The following GRAMD1C variants were observed in gnomAD, a reference collection of about 807,000 sequenced individuals.
GRAMD1C encodes the protein GRAM domain containing 1C.
In GRAMD1C, 89 loss-of-function variants were observed where a neutral mutation model predicts 97.8. That is an observed-to-expected ratio of 0.91 (90% confidence interval 0.77 to 1.09). The LOEUF (loss-of-function observed/expected upper bound fraction) is 1.09. GRAMD1C is among the 50% of genes least tolerant of loss of function. The probability of loss-of-function intolerance (pLI) is 0.00; values close to 1 mark genes in which losing one functional copy is unlikely to be tolerated. For missense variants in GRAMD1C, 740 were observed against 766.4 expected (o/e 0.97, Z 0.41); for synonymous variants, 256 against 267.0 (o/e 0.96, Z 0.40).
chr3:113,933,270 A>G (rs6438174), intron 11 of GRAMD1C, among the ~76,000 whole-genome samples: 149,145 of 152,256 alleles, frequency 0.98, 73,123 homozygotes, highest in Non-Finnish European at 1. Flanking sequence ...GACCTTAAGC[A>G]ATTCTCCCAC....
chr3:113,888,235 A>G (rs1050893349), intron 6 of GRAMD1C, among the ~76,000 whole-genome samples: 3 of 152,244 alleles, frequency 2.0e-5, no homozygotes, highest in Non-Finnish European at 2.9e-5. Flanking sequence ...AAATATTAGC[A>G]AATCAAATCC....
chr3:113,840,232 C>T (rs1709747992), intron 1 of GRAMD1C, among the ~76,000 whole-genome samples: 1 of 152,136 alleles, frequency 6.6e-6, no homozygotes, highest in African/African-American at 2.4e-5. Context: ...TCCCAAAGTA[C>T]TGGGATAACA....
At chr3:113,839,789 A>T (rs1709730859) in intron 1 of GRAMD1C, among the ~76,000 whole-genome samples, 3 of 152,236 alleles carry the variant, frequency 2.0e-5, no homozygotes, top group Admixed American at 2.0e-4. Flanking sequence ...CTAGAGATAA[A>T]ATTATTTCCT....
chr3:113,933,210 T>C (rs1937506661), intron 11 of GRAMD1C, among the ~76,000 whole-genome samples: 1 of 152,104 alleles, frequency 6.6e-6, no homozygotes, highest in Admixed American at 6.5e-5. Flanking sequence ...AAAAATTTTT[T>C]TTGTAGAGGC....
chr3:113,838,128 A>T (rs765869511), upstream of GRAMD1C, among the ~76,000 whole-genome samples: 1 of 152,184 alleles, frequency 6.6e-6, no homozygotes, highest in Non-Finnish European at 1.5e-5. Flanking sequence ...CTAGATTTTC[A>T]GGTTAAATTT....
chr3:113,855,983 G>A (rs1364904181), intron 2 of GRAMD1C, among the ~76,000 whole-genome samples: 3 of 151,656 alleles, frequency 2.0e-5, no homozygotes, highest in African/African-American at 4.8e-5. Flanking sequence ...CCGCCTCTCC[G>A]TTTCAAGGGA....
chr3:113,833,120 C>CTTTTTTTTTTTTTTTTTTGTTTT (rs200062835), intron 1 of GRAMD1C, among the ~76,000 whole-genome samples: 1 of 129,474 alleles, frequency 7.7e-6, no homozygotes, highest in Non-Finnish European at 1.6e-5. Context: ...TTCTTTCTTT[C>CTTTTTTTTTTTTTTTTTTGTTTT]TTTTTTTTTT....
chr3:113,923,916 T>C (rs899848438), intron 10 of GRAMD1C, among the ~76,000 whole-genome samples: 7 of 152,136 alleles, frequency 4.6e-5, no homozygotes, highest in African/African-American at 1.7e-4. Context: ...CCTGGGCTTT[T>C]TTTGATTGAT....
intron 2 of GRAMD1C, among the ~76,000 whole-genome samples, chr3:113,861,339 T>C (rs111501566): frequency 2.1e-3 from 318 of 152,224 alleles, no homozygotes; most frequent in Middle Eastern, 6.8e-3. Context: ...AATAGATAAA[T>C]TGGACCTCAT....
chr3:113,890,847 G>A, intron 6 of GRAMD1C: 1 of 627,566 alleles, frequency 1.6e-6, no homozygotes, highest in Non-Finnish European at 2.9e-6. Flanking sequence ...GAGAAACTAA[G>A]TTCTTCACTT....
intron 6 of GRAMD1C, among the ~76,000 whole-genome samples, chr3:113,887,197 T>C (rs1368247287): frequency 2.0e-5 from 3 of 149,660 alleles, no homozygotes; most frequent in Non-Finnish European, 4.4e-5. Flanking sequence ...TGCAAGCGAT[T>C]CTCCTGCCTC....
At chr3:113,876,028 A>G (rs372913540) in intron 4 of GRAMD1C, 137 bp from the exon 5 acceptor site, 2 of 596,356 alleles carry the variant, frequency 3.4e-6, no homozygotes, top group East Asian at 2.8e-5. Context: ...TGTACTTATT[A>G]ACTCCTTCAA....
intron 5 of GRAMD1C, 52 bp from the exon 6 acceptor site, chr3:113,882,700 T>A: frequency 9.6e-7 from 1 of 1,042,680 alleles, no homozygotes; most frequent in Non-Finnish European, 1.5e-6. Flanking sequence ...TGACAGATAA[T>A]CTGCTTTTAT....
At chr3:113,862,366 G>A (rs1253145651) in intron 2 of GRAMD1C, among the ~76,000 whole-genome samples, 2 of 152,178 alleles carry the variant, frequency 1.3e-5, no homozygotes, top group Admixed American at 1.3e-4. Context: ...CTTTCTCAGG[G>A]ATGTTCCTTG....
chr3:113,860,924 C>T (rs572111415), intron 2 of GRAMD1C, among the ~76,000 whole-genome samples: 8 of 150,958 alleles, frequency 5.3e-5, no homozygotes, highest in South Asian at 2.1e-4. Flanking sequence ...CGAGATCATG[C>T]CATTGCACTA....
At chr3:113,938,556 C>G (rs1388622618) in intron 15 of GRAMD1C, 1 of 153,396 alleles carries the variant, frequency 6.5e-6, no homozygotes, top group Non-Finnish European at 1.5e-5. Context: ...ACTTGGGGTG[C>G]TTGCTAAAAT....
chr3:113,885,297 G>A (rs982083937), intron 6 of GRAMD1C: 8 of 1,528,906 alleles, frequency 5.2e-6, no homozygotes, highest in African/African-American at 4.1e-5. Flanking sequence ...GGGTCATCCG[G>A]ATGGTGCGGA....
At chr3:113,917,597 C>T (rs1936871429) in intron 10 of GRAMD1C, among the ~76,000 whole-genome samples, 1 of 152,068 alleles carries the variant, frequency 6.6e-6, no homozygotes, top group Non-Finnish European at 1.5e-5. Flanking sequence ...ACTAGGATTA[C>T]AAGAATGAGC....
At chr3:113,836,160 A>C (rs925603086), upstream of GRAMD1C, among the ~76,000 whole-genome samples, 10 of 152,186 alleles carry the variant, frequency 6.6e-5, no homozygotes, top group African/African-American at 2.4e-4. Context: ...GCTACTCAGG[A>C]GGCTGAGGCA....
Sources: allele counts gnomAD v4.1 joint callset (sites outside exome capture counted in the v4.1 genomes callset), GRCh38; gene constraint gnomAD v4.1.1; transcripts MANE v1.5; gene names NCBI Gene and HGNC (gene_info 2026-07-23, HGNC 2026-07-21).